The following CBFB variants were observed in gnomAD, a reference collection of about 807,000 sequenced individuals.
CBFB encodes core-binding factor subunit beta, also known as CBF-beta.
CBFB carries 9 observed loss-of-function variants against 30.4 expected under a neutral mutation model. That is an observed-to-expected ratio of 0.30 (90% CI 0.18 to 0.52). The LOEUF (loss-of-function observed/expected upper bound fraction) is 0.52, where lower values mean the gene tolerates loss of function less well. CBFB is among the 20% of genes least tolerant of loss of function. The pLI is 0.97. For missense variants in CBFB, 170 were observed against 244.0 expected, an observed-to-expected ratio of 0.70 and a Z score of 2.02; for synonymous variants, 94 against 84.0, an observed-to-expected ratio of 1.12 and a Z score of -0.65.
chr16:67,095,047 GTC>G (rs1290938993), intron 5 of CBFB, among the ~76,000 whole-genome samples: 1 of 151,666 alleles, frequency 6.6e-6, no homozygotes, highest in Non-Finnish European at 1.5e-5. Context: ...GTGAAACCCT[GTC>G]TCTACTAAAA....
intron 2 of CBFB, 108 bp downstream of exon 2, chr16:67,029,921 T>G (rs1480140070): frequency 1.6e-6 from 1 of 638,072 alleles, no homozygotes; most frequent in African/African-American, 2.0e-5. Context: ...CGGAACTGAG[T>G]GGGCGCCGTC....
intron 4 of CBFB, among the ~76,000 whole-genome samples, chr16:67,073,497 C>T (rs896217218): frequency 6.6e-6 from 1 of 152,190 alleles, no homozygotes; most frequent in African/African-American, 2.4e-5. Flanking sequence ...GTAATCCCTG[C>T]ACTCTTGAGA....
intron 3 of CBFB, among the ~76,000 whole-genome samples, chr16:67,041,900 CTTTTT>C (rs577858550): frequency 2.4e-5 from 3 of 125,180 alleles, no homozygotes; most frequent in Non-Finnish European, 1.7e-5. Flanking sequence ...TCCTGCCCTT[CTTTTT>C]TTTTTTTTTT....
intron 3 of CBFB, among the ~76,000 whole-genome samples, chr16:67,042,185 A>G (rs1966543510): frequency 6.6e-6 from 1 of 152,076 alleles, no homozygotes; most frequent in African/African-American, 2.4e-5. Context: ...TGGCCTCCCA[A>G]AGTGCTGGGA....
intron 3 of CBFB, among the ~76,000 whole-genome samples, chr16:67,050,185 G>A (rs1966713527): frequency 1.4e-5 from 2 of 145,660 alleles, no homozygotes; most frequent in African/African-American, 2.5e-5. Context: ...AATTATATGT[G>A]ATATATATAA....
At chr16:67,096,242 C>T (rs188171018) in intron 5 of CBFB, among the ~76,000 whole-genome samples, 70 of 151,468 alleles carry the variant, frequency 4.6e-4, no homozygotes, top group African/African-American at 1.5e-3. Flanking sequence ...ACCTGGGAGG[C>T]GGAGGTTGCA....
intron 3 of CBFB, among the ~76,000 whole-genome samples, chr16:67,042,522 G>A (rs1966549493): frequency 1.3e-5 from 2 of 152,112 alleles, no homozygotes; most frequent in Admixed American, 1.3e-4. Flanking sequence ...CCCCCCAAAG[G>A]TTTCCTTGTG....
intron 3 of CBFB, among the ~76,000 whole-genome samples, chr16:67,043,223 A>G (rs1966561400): frequency 6.6e-6 from 1 of 152,214 alleles, no homozygotes; most frequent in South Asian, 2.1e-4. Flanking sequence ...GCCATCTTGG[A>G]GGCCAGCTAC....
At chr16:67,054,074 C>T (rs1476401891) in intron 3 of CBFB, among the ~76,000 whole-genome samples, 3 of 151,970 alleles carry the variant, frequency 2.0e-5, no homozygotes, top group Non-Finnish European at 4.4e-5. Flanking sequence ...TCCTCTATAT[C>T]CAGCGCACTG....
chr16:67,058,519 ATC>A (rs1390815160), intron 3 of CBFB, among the ~76,000 whole-genome samples: 16 of 152,148 alleles, frequency 1.1e-4, no homozygotes, highest in African/African-American at 3.9e-4. Flanking sequence ...TAGTGCTGGA[ATC>A]TCTTTTTGGG....
chr16:67,088,537 A>G (rs995405049), intron 5 of CBFB, among the ~76,000 whole-genome samples: 45 of 152,226 alleles, frequency 3.0e-4, no homozygotes, highest in Non-Finnish European at 1.0e-4. Flanking sequence ...AGCGCTGGGA[A>G]ATTAATTTCC....
intron 5 of CBFB, among the ~76,000 whole-genome samples, chr16:67,088,069 A>C (rs181161122): frequency 6.6e-6 from 1 of 152,320 alleles, no homozygotes; most frequent in African/African-American, 2.4e-5. Context: ...TCAATGATTT[A>C]AGATCCTGTA....
Position 67,050,977 on chromosome 16 carries a change from G to A in CBFB, c.282+14222G>A, listed in dbSNP as rs1425947312. ...GGACAAAGAGATGATTCACCTCTCT[G>A]GAGAGAAGGAGTGCAATTTAAAACT... On this transcript the variant is annotated intron_variant, in intron 3 of 5. Transcript: ENST00000412916. Among the ~76,000 whole-genome samples, 4 of 152,148 alleles carry A rather than the reference G, an allele frequency of 2.6e-5. No homozygotes were observed. In the East Asian group the frequency reaches 7.7e-4, roughly 29 times the overall value.
At position 67,079,628 on chromosome 16, in the gene CBFB, C is replaced by A. The variant is rs553638365; in HGVS notation, c.400-2585C>A. On this transcript the variant is annotated intron_variant, in intron 4 of 5. Transcript: ENST00000412916. ...CCTCATTATTATGTTTGCAAGATGG[C>A]TGCTGCATCTCTGAGCACTGCATCA... Among the ~76,000 whole-genome samples the A allele has an allele frequency of 2.7e-5, 4 of 147,896 alleles. No individual in the cohort carries two copies. The South Asian group carries it at 8.6e-4, about 32-fold the overall frequency.
At chr16:67,068,526 T>A (rs1175688942) in intron 4 of CBFB, among the ~76,000 whole-genome samples, 1 of 152,110 alleles carries the variant, frequency 6.6e-6, no homozygotes, top group Non-Finnish European at 1.5e-5. Flanking sequence ...TCAGAGGCTG[T>A]GCACTGCTGT....
intron 3 of CBFB, among the ~76,000 whole-genome samples, chr16:67,047,049 T>TA (rs1966639180): frequency 6.6e-6 from 1 of 151,924 alleles, no homozygotes; most frequent in Non-Finnish European, 1.5e-5. Context: ...CAGTAGCTCA[T>TA]ACCTGTAATC....
chr16:67,040,315 G>A (rs1418012741), intron 3 of CBFB, among the ~76,000 whole-genome samples: 1 of 152,180 alleles, frequency 6.6e-6, no homozygotes, highest in Non-Finnish European at 1.5e-5. Context: ...TCTCAACTGA[G>A]TTACCTTCTG....
chr16:67,068,285 C>T (rs1255628887), intron 4 of CBFB, among the ~76,000 whole-genome samples: 1 of 152,126 alleles, frequency 6.6e-6, no homozygotes, highest in African/African-American at 2.4e-5. Flanking sequence ...TAAAGACCAG[C>T]CTGGGCAACA....
intron 5 of CBFB, among the ~76,000 whole-genome samples, chr16:67,095,612 T>A (rs1962024649): frequency 2.0e-5 from 3 of 150,688 alleles, no homozygotes; most frequent in Non-Finnish European, 4.4e-5. Context: ...CCCAGGAGTT[T>A]GAGGCTGTAG....
Sources: gnomAD v4.1 joint callset for allele counts (sites outside exome capture counted in the v4.1 genomes callset) on GRCh38, gnomAD v4.1.1 for gene constraint, MANE v1.5 for transcripts, NCBI Gene and HGNC (gene_info 2026-07-23, HGNC 2026-07-21) for gene names.